The following PLXNA2 variants were observed in gnomAD, a reference collection of about 807,000 sequenced individuals.
The protein encoded by PLXNA2 is plexin-A2.
A neutral mutation model predicts 193.5 loss-of-function variants in PLXNA2; 91 were observed. The observed-to-expected ratio is 0.47, with a 90% CI of 0.40 to 0.56. PLXNA2 has a LOEUF of 0.56. Among genes scored for constraint, PLXNA2 ranks in the 20% least tolerant of loss-of-function variants. The pLI, the probability that PLXNA2 is intolerant of heterozygous loss-of-function variation, is 0.00. For missense variants in PLXNA2, 1,995 were observed against 2,503.2 expected (o/e 0.80, Z 4.33); for synonymous variants, 997 against 1,027.3 (o/e 0.97, Z 0.56).
At chr1:208,193,332 G>T (rs924645112) in intron 3 of PLXNA2, among the ~76,000 whole-genome samples, 6 of 152,174 alleles carry the variant, frequency 3.9e-5, no homozygotes, top group African/African-American at 1.4e-4. Context: ...GATGATTTGT[G>T]CCTCAGTTTC....
rs746379855 is a variant in PLXNA2 at position 208,217,366 on chromosome 1, G to A, written c.557C>T (p.Thr186Met). ...GTAATCCTGCTTCCCATCCACAGCC[G>A]TGCCGATGAAGAGCTTGCCATCCTC... Reference protein sequence around the residue: ...EGEDGKLFIGTAVDGKQDYFP... With the variant: ...EGEDGKLFIGMAVDGKQDYFP... Residue 186 changes from threonine (T) to methionine (M), a missense_variant, in exon 2 of 32, where the codon ACG becomes ATG. Thr to Met is a moderately conservative substitution (Grantham distance 81). Coordinates refer to ENST00000367033, the MANE Select transcript of PLXNA2 (RefSeq NM_025179.4). This position sits in a 1 kb window ranked among gnomAD's most constrained non-coding sequence, Gnocchi z 4.7. The A allele has an allele frequency of 3.7e-6, 6 of 1,614,190 alleles. No individual in the cohort carries two copies. Among genetic ancestry groups the A allele is most frequent in the Non-Finnish European group, 5.1e-6 (6 of 1,180,030 alleles).
At chr1:208,204,085 T>C (rs1670640387) in intron 3 of PLXNA2, among the ~76,000 whole-genome samples, 1 of 152,174 alleles carries the variant, frequency 6.6e-6, no homozygotes, top group Non-Finnish European at 1.5e-5. Flanking sequence ...GTATGTCCCT[T>C]AGGGAAAGGC....
At chr1:208,177,793 G>A (rs999762862) in intron 3 of PLXNA2, among the ~76,000 whole-genome samples, 5 of 152,252 alleles carry the variant, frequency 3.3e-5, no homozygotes, top group Non-Finnish European at 7.3e-5. Flanking sequence ...CAAATTCTTG[G>A]GGCCTGCCCC....
At chr1:208,030,577 C>T (rs1047069847) in intron 29 of PLXNA2, 92 of 985,426 alleles carry the variant, frequency 9.3e-5, no homozygotes, top group Admixed American at 1.8e-4. Context: ...GAAGGCTCAG[C>T]GACCACAAGA....
intron 3 of PLXNA2, among the ~76,000 whole-genome samples, chr1:208,199,025 T>C (rs748571854): frequency 4.6e-5 from 7 of 152,216 alleles, no homozygotes; most frequent in Non-Finnish European, 7.3e-5. Context: ...ATATAGTAAG[T>C]GCTGAATTTA....
chr1:208,093,585 T>C (rs1271747964), intron 8 of PLXNA2, among the ~76,000 whole-genome samples: 1 of 152,236 alleles, frequency 6.6e-6, no homozygotes, highest in Non-Finnish European at 1.5e-5. Flanking sequence ...AAATTACCTG[T>C]TATTTCAACC....
At chr1:208,194,266 G>A (rs1164292405) in intron 3 of PLXNA2, among the ~76,000 whole-genome samples, 1 of 151,736 alleles carries the variant, frequency 6.6e-6, no homozygotes, top group African/African-American at 2.4e-5. Context: ...GGTTCTGCCT[G>A]CTGTTAATGA....
chr1:208,204,704 G>C (rs542578512), intron 3 of PLXNA2, among the ~76,000 whole-genome samples: 1 of 152,320 alleles, frequency 6.6e-6, no homozygotes, highest in Admixed American at 6.5e-5. Flanking sequence ...ATGTGTATCT[G>C]GCAGTGGGGA....
In PLXNA2 at chr1:208,103,239, C is replaced by T; in HGVS notation, c.1515G>A (p.Arg505=). 6.2e-7 allele frequency: 1 copy of T among 1,613,224 alleles called. No individual in the cohort carries two copies. Among genetic ancestry groups the T allele is most frequent in the East Asian group, 2.2e-5 (1 of 44,856 alleles). Reference sequence around the variant, plus strand: ...ACTGCTCACATGACTCCACGGGGACCCTGGTGACCTGGCAGAGAGAGCAAA... The same window carrying T: ...ACTGCTCACATGACTCCACGGGGACTCTGGTGACCTGGCAGAGAGAGCAAA... The part of the protein sequence containing the change: ...LYVMSERQVT[R]VPVESCEQYT... Residue 505 remains arginine, a synonymous_variant, in exon 5 of 32, where the codon AGG becomes AGA. Coordinates refer to ENST00000367033, the MANE Select transcript of PLXNA2 (RefSeq NM_025179.4).
At chr1:208,209,974 T>G in intron 3 of PLXNA2, 1 of 212,068 alleles carries the variant, frequency 4.7e-6, no homozygotes, top group East Asian at 1.4e-4. Context: ...GATTTGGGAA[T>G]GAAGAGCAAT....
chr1:208,158,278 C>T (rs1451739474), intron 3 of PLXNA2, among the ~76,000 whole-genome samples: 2 of 152,192 alleles, frequency 1.3e-5, no homozygotes, highest in African/African-American at 4.8e-5. Context: ...TCTCTTTCTC[C>T]TTCCCTTCCT....
chr1:208,164,403 G>A (rs1669229360), intron 3 of PLXNA2, among the ~76,000 whole-genome samples: 1 of 152,224 alleles, frequency 6.6e-6, no homozygotes, highest in Non-Finnish European at 1.5e-5. Flanking sequence ...TAATGCAAAA[G>A]GTAAGAGCAG....
intron 3 of PLXNA2, among the ~76,000 whole-genome samples, chr1:208,203,039 T>C (rs1438605187): frequency 6.6e-6 from 1 of 152,200 alleles, no homozygotes; most frequent in Non-Finnish European, 1.5e-5. Flanking sequence ...CGACATCTCC[T>C]GTCTACACCT....
chr1:208,200,519 T>C (rs1196618917), intron 3 of PLXNA2, among the ~76,000 whole-genome samples: 1 of 151,230 alleles, frequency 6.6e-6, no homozygotes, highest in Non-Finnish European at 1.5e-5. Context: ...AGTAAGTCCA[T>C]AATCTCTGAA....
At chr1:208,137,856 T>C (rs976423702) in intron 4 of PLXNA2, among the ~76,000 whole-genome samples, 2 of 152,176 alleles carry the variant, frequency 1.3e-5, no homozygotes, top group African/African-American at 2.4e-5. Context: ...TGAAAACCTC[T>C]CTAGGCAGAA....
chr1:208,173,195 A>AAAGTACTTGGAAC (rs1669548430), intron 3 of PLXNA2, among the ~76,000 whole-genome samples: 1 of 152,242 alleles, frequency 6.6e-6, no homozygotes, highest in African/African-American at 2.4e-5. Context: ...ATATACAAAT[A>AAAGTACTTGGAAC]AAGTACTTGG....
intron 3 of PLXNA2, among the ~76,000 whole-genome samples, chr1:208,170,929 G>A (rs1329644237): frequency 6.6e-6 from 1 of 152,218 alleles, no homozygotes; most frequent in Non-Finnish European, 1.5e-5. Context: ...AAAATAACAA[G>A]AAGTAATGCC....
chr1:208,063,461 T>G (rs74152188), intron 12 of PLXNA2, among the ~76,000 whole-genome samples: 1,918 of 152,288 alleles, frequency 0.013, 52 homozygotes, highest in African/African-American at 0.043. Flanking sequence ...AGACTTTTTT[T>G]GGGTAAATTA....
intron 3 of PLXNA2, among the ~76,000 whole-genome samples, chr1:208,191,566 A>G (rs1218993307): frequency 6.6e-6 from 1 of 152,190 alleles, no homozygotes; most frequent in Non-Finnish European, 1.5e-5. Context: ...GTATTAACTC[A>G]TTTACATGTC....
Sources: gnomAD v4.1 joint callset for allele counts (sites outside exome capture counted in the v4.1 genomes callset) on GRCh38, gnomAD v4.1.1 for gene constraint, Gnocchi (gnomAD v3.1) non-coding constraint, MANE v1.5 for transcripts, NCBI Gene and HGNC (gene_info 2026-07-23, HGNC 2026-07-21) for gene names.